The following B3GALT1 variants were observed in gnomAD, a reference collection of about 807,000 sequenced individuals.
B3GALT1 encodes UDP-Gal:betaGlcNAc beta 1,3-galactosyltransferase, polypeptide 1.
B3GALT1 carries 10 observed loss-of-function variants against 23.2 expected under a neutral mutation model. That is an observed-to-expected ratio of 0.43 (90% CI 0.27 to 0.73). The LOEUF (loss-of-function observed/expected upper bound fraction) is 0.73, where lower values mean the gene tolerates loss of function less well. Among genes scored for constraint, B3GALT1 ranks in the 30% least tolerant of loss-of-function variants. The probability of loss-of-function intolerance (pLI) is 0.21; values close to 1 mark genes in which losing one functional copy is unlikely to be tolerated. For missense variants in B3GALT1, 299 were observed against 405.4 expected (o/e 0.74, Z 2.25); for synonymous variants, 156 against 141.5 (o/e 1.10, Z -0.73).
At chr2:167,305,240 TAATATA>T (rs147589213) in intron 1 of B3GALT1, among the ~76,000 whole-genome samples, 89 of 152,242 alleles carry the variant, frequency 5.8e-4, no homozygotes, top group Non-Finnish European at 9.9e-4. Context: ...AGACAGTTGT[TAATATA>T]TATATATATT....
chr2:167,736,603 T>C (rs1687495782), intron 3 of B3GALT1, among the ~76,000 whole-genome samples: 1 of 152,090 alleles, frequency 6.6e-6, no homozygotes, highest in Non-Finnish European at 1.5e-5. Flanking sequence ...GGACTCCCAG[T>C]AGAATTAAAC....
At chr2:167,537,507 A>C (rs1403183778) in intron 2 of B3GALT1, among the ~76,000 whole-genome samples, 1 of 152,218 alleles carries the variant, frequency 6.6e-6, no homozygotes, top group Non-Finnish European at 1.5e-5. Flanking sequence ...GTAGTTAATC[A>C]TATGTATGCT....
At chr2:167,768,342 G>C (rs1416457429) in intron 3 of B3GALT1, among the ~76,000 whole-genome samples, 1 of 152,122 alleles carries the variant, frequency 6.6e-6, no homozygotes, top group Non-Finnish European at 1.5e-5. Flanking sequence ...CTGAATAGTA[G>C]GACTAGATTT....
At chr2:167,616,076 C>A (rs368970010) in intron 2 of B3GALT1, among the ~76,000 whole-genome samples, 12 of 75,206 alleles carry the variant, frequency 1.6e-4, no homozygotes, top group Admixed American at 4.0e-4. Flanking sequence ...AAGCACTTTA[C>A]AAAGAAAAAA....
At chr2:167,515,031 A>T (rs1700079771) in intron 2 of B3GALT1, among the ~76,000 whole-genome samples, 1 of 152,134 alleles carries the variant, frequency 6.6e-6, no homozygotes, top group African/African-American at 2.4e-5. Context: ...TTTAGTAAAA[A>T]ATTGAGTATA....
chr2:167,713,336 T>C (rs1307177343), intron 3 of B3GALT1, among the ~76,000 whole-genome samples: 1 of 152,214 alleles, frequency 6.6e-6, no homozygotes, highest in African/African-American at 2.4e-5. Flanking sequence ...ACATGAATTT[T>C]AATTGTTTTA....
chr2:167,615,690 T>C (rs1685150064), intron 2 of B3GALT1, among the ~76,000 whole-genome samples: 1 of 152,118 alleles, frequency 6.6e-6, no homozygotes, highest in South Asian at 2.1e-4. Context: ...TGTTAAGATT[T>C]AGGACAGAAT....
At chr2:167,783,078 G>A (rs1688275105) in intron 3 of B3GALT1, among the ~76,000 whole-genome samples, 2 of 152,050 alleles carry the variant, frequency 1.3e-5, no homozygotes, top group Admixed American at 6.6e-5. Flanking sequence ...GAATTCATGG[G>A]GGAATAAGGT....
At position 167,387,012 on chromosome 2, in the gene B3GALT1, C is replaced by CATCATATCAT. The variant is rs143849741; in HGVS notation, c.-511+93689_-511+93698dup. 7.9e-3 allele frequency among the ~76,000 whole-genome samples: 1,196 copies of CATCATATCAT among 151,226 alleles called. 14 individuals carry two copies. Among genetic ancestry groups the CATCATATCAT allele is most frequent in the African/African-American group, 0.028 (1,133 of 40,648 alleles). On this transcript the variant is annotated intron_variant, in intron 1 of 4. Coordinates refer to ENST00000392690, the MANE Select transcript of B3GALT1 (RefSeq NM_020981.4). The stretch of plus-strand genomic sequence containing the variant: ...AGATTTCAATACTGGTAGGTAGTCT[C>CATCATATCAT]ATCATATCATATCATATCATTTCAT...
intron 2 of B3GALT1, among the ~76,000 whole-genome samples, chr2:167,513,090 A>G (rs2105356196): frequency 6.8e-6 from 1 of 147,896 alleles, no homozygotes; most frequent in African/African-American, 2.5e-5. Flanking sequence ...AAAAAAAAAA[A>G]AGTGGAATCA....
chr2:167,411,043 A>G (rs1698383608), intron 1 of B3GALT1, among the ~76,000 whole-genome samples: 1 of 152,094 alleles, frequency 6.6e-6, no homozygotes. Context: ...GAATCAAAAA[A>G]TGTATATAAA....
rs574973767 is a variant in B3GALT1 at position 167,316,005 on chromosome 2, C to G, written c.-511+22671C>G. On this transcript the variant is annotated intron_variant, in intron 1 of 4. Coordinates refer to ENST00000392690, the MANE Select transcript of B3GALT1 (RefSeq NM_020981.4). ...CAGAGTGTAAGGAGAAATGTACTGA[C>G]CAGAATTTTCTTTCACATTTAACCA... Among the ~76,000 whole-genome samples the G allele has an allele frequency of 2.0e-5, 3 of 151,904 alleles. No homozygotes were observed. The South Asian group carries it at 6.2e-4, about 32-fold the overall frequency.
intron 4 of B3GALT1, among the ~76,000 whole-genome samples, chr2:167,843,223 T>G (rs910605103): frequency 1.3e-5 from 2 of 152,236 alleles, no homozygotes; most frequent in African/African-American, 2.4e-5. Context: ...AGAAAGCTGA[T>G]GTATTTTTAG....
intron 1 of B3GALT1, among the ~76,000 whole-genome samples, chr2:167,360,466 A>C (rs1229471937): frequency 6.6e-6 from 1 of 152,204 alleles, no homozygotes; most frequent in African/African-American, 2.4e-5. Flanking sequence ...ACTGATTTCT[A>C]AAATGTAGTC....
intron 2 of B3GALT1, among the ~76,000 whole-genome samples, chr2:167,502,447 G>A (rs1398900069): frequency 6.6e-6 from 1 of 152,174 alleles, no homozygotes; most frequent in African/African-American, 2.4e-5. Context: ...CACATTGTTA[G>A]AAAGAACTAC....
chr2:167,852,552 C>T (rs1336431582), intron 4 of B3GALT1, among the ~76,000 whole-genome samples: 1 of 150,680 alleles, frequency 6.6e-6, no homozygotes, highest in African/African-American at 2.4e-5. Flanking sequence ...AACACAGGAA[C>T]TTTTATTTTA....
intron 1 of B3GALT1, among the ~76,000 whole-genome samples, chr2:167,399,144 G>C (rs1055107191): frequency 6.6e-6 from 1 of 152,118 alleles, no homozygotes; most frequent in Non-Finnish European, 1.5e-5. Flanking sequence ...GGCTTCATTA[G>C]GTGCGTGATA....
At chr2:167,823,750 C>T (rs1012098979) in intron 4 of B3GALT1, among the ~76,000 whole-genome samples, 2 of 152,224 alleles carry the variant, frequency 1.3e-5, no homozygotes, top group African/African-American at 2.4e-5. Flanking sequence ...CAAATATCCA[C>T]TAAACTCATC....
At chr2:167,462,685 G>T (rs1178185822) in intron 1 of B3GALT1, among the ~76,000 whole-genome samples, 1 of 152,138 alleles carries the variant, frequency 6.6e-6, no homozygotes, top group Non-Finnish European at 1.5e-5. Flanking sequence ...GAGGAGACAG[G>T]AATCGTAATA....
Sources: allele counts gnomAD v4.1 joint callset (sites outside exome capture counted in the v4.1 genomes callset), GRCh38; gene constraint gnomAD v4.1.1; transcripts MANE v1.5; gene names NCBI Gene and HGNC (gene_info 2026-07-23, HGNC 2026-07-21).